PARP16: variants seen among roughly 807,000 people sequenced by gnomAD.
The protein encoded by PARP16 is protein mono-ADP-ribosyltransferase PARP16.
In PARP16, 31 loss-of-function variants were observed where a neutral mutation model predicts 35.0. That is an observed-to-expected ratio of 0.88 (90% CI 0.66 to 1.19). PARP16 has a LOEUF of 1.19. Among genes scored for constraint, PARP16 ranks in the 50% most tolerant of loss-of-function variants. The pLI, the probability that PARP16 is intolerant of heterozygous loss-of-function variation, is 0.00. For synonymous variants in PARP16, 162 were observed against 169.5 expected, an observed-to-expected ratio of 0.96 and a Z score of 0.34; for missense variants, 424 against 411.2, an observed-to-expected ratio of 1.03 and a Z score of -0.27.
rs556715772 is a variant in PARP16, at chr15:65,286,533, G to C, written c.-107C>G. 483 of 857,094 alleles carry C rather than the reference G, an allele frequency of 5.6e-4. 5 individuals carry two copies. The South Asian group carries it at 9.0e-3, about 16-fold the overall frequency. The allele number at this position is 857,094 out of a possible 1,614,324, so 53.1% of individuals were successfully genotyped here. On this transcript the variant is annotated 5_prime_UTR_variant, in exon 1 of 6. Coordinates refer to ENST00000649807, the MANE Select transcript of PARP16 (RefSeq NM_001316943.2). ...GCGGACAATGGGCCGTCAGGGGCCG[G>C]GTTCCCAAGCCTGGGGTGGAGCTAG... is the stretch of plus-strand genomic sequence containing the variant.
At chr15:65,249,901 GT>G (rs1456071631) in intron 2 of PARP16, among the ~76,000 whole-genome samples, 1 of 152,214 alleles carries the variant, frequency 6.6e-6, no homozygotes, top group East Asian at 1.9e-4. Flanking sequence ...TTGAGTGGGT[GT>G]TGGGGGACTT....
intron 2 of PARP16, among the ~76,000 whole-genome samples, chr15:65,269,028 T>A (rs2089997716): frequency 6.6e-6 from 1 of 152,092 alleles, no homozygotes; most frequent in Admixed American, 6.5e-5. Context: ...GTGCTGGAAT[T>A]ACAGGCGTGA....
chr15:65,253,921 G>A (rs935621507), downstream of PARP16, among the ~76,000 whole-genome samples: 8 of 151,818 alleles, frequency 5.3e-5, no homozygotes, highest in South Asian at 2.1e-4. Context: ...AGGTTCAACC[G>A]ATTCTCCTGC....
downstream of PARP16, among the ~76,000 whole-genome samples, chr15:65,257,616 C>G (rs1183134892): frequency 1.9e-5 from 2 of 108,034 alleles, no homozygotes; most frequent in Non-Finnish European, 3.5e-5. Context: ...AGTGACAGAG[C>G]AAGACTCTGT....
chr15:65,260,795 C>T (rs931826869), intron 5 of PARP16, 90 bp downstream of exon 5: 42 of 1,206,586 alleles, frequency 3.5e-5, no homozygotes, highest in Non-Finnish European at 4.4e-5. Context: ...TAGCGGAGGT[C>T]TAAGGCTGGG....
intron 3 of PARP16, among the ~76,000 whole-genome samples, chr15:65,265,517 G>A (rs917178868): frequency 6.6e-6 from 1 of 152,152 alleles, no homozygotes; most frequent in African/African-American, 2.4e-5. Context: ...GTGGATAGAT[G>A]ACTGTTTTGA....
At chr15:65,240,968 G>T (rs1227170495) in intron 3 of PARP16, among the ~76,000 whole-genome samples, 3 of 151,894 alleles carry the variant, frequency 2.0e-5, no homozygotes, top group African/African-American at 7.3e-5. Flanking sequence ...AAGTAGCTGG[G>T]ACTGCAGGTG....
At position 65,283,353 on chromosome 15, in the gene PARP16, C is replaced by T. The variant is rs1334985225; in HGVS notation, c.174+2900G>A. Among the ~76,000 whole-genome samples the T allele has an allele frequency of 2.6e-5, 4 of 152,112 alleles. No individual in the cohort carries two copies. In the East Asian group the frequency reaches 7.7e-4, roughly 29 times the overall value. Reference sequence around the variant, plus strand: ...TCCTCCCAAACAGGTCCCTCTCTCACCCTGCCACCACAGGTGTCTTTCTGG... The same window carrying T: ...TCCTCCCAAACAGGTCCCTCTCTCATCCTGCCACCACAGGTGTCTTTCTGG... On this transcript the variant is annotated intron_variant, in intron 1 of 5. Transcript: ENST00000649807.
At chr15:65,272,509 C>A (rs1006992031) in intron 1 of PARP16, among the ~76,000 whole-genome samples, 1 of 152,126 alleles carries the variant, frequency 6.6e-6, no homozygotes, top group African/African-American at 2.4e-5. Flanking sequence ...CCTTACCATC[C>A]CCTCCCCATC....
chr15:65,242,296 G>A (rs2089101141), intron 3 of PARP16, among the ~76,000 whole-genome samples: 1 of 152,020 alleles, frequency 6.6e-6, no homozygotes, highest in South Asian at 2.1e-4. Flanking sequence ...TTGAAATCAG[G>A]TAGGGCCAGT....
chr15:65,236,055 C>T (rs2088871819), intron 3 of PARP16, among the ~76,000 whole-genome samples: 1 of 151,868 alleles, frequency 6.6e-6, no homozygotes, highest in African/African-American at 2.4e-5. Flanking sequence ...GACAGGGTTT[C>T]ATCATGTTGG....
chr15:65,250,948 C>T (rs1269443730), intron 2 of PARP16, among the ~76,000 whole-genome samples: 1 of 152,098 alleles, frequency 6.6e-6, no homozygotes, highest in East Asian at 1.9e-4. Flanking sequence ...GCTCACTCAA[C>T]CTCCGCCTCG....
At chr15:65,274,882 G>A (rs989740752) in intron 1 of PARP16, among the ~76,000 whole-genome samples, 10 of 152,214 alleles carry the variant, frequency 6.6e-5, no homozygotes, top group African/African-American at 1.2e-4. Flanking sequence ...TTGGGAGGCC[G>A]AGGCAGGCGG....
intron 3 of PARP16, among the ~76,000 whole-genome samples, chr15:65,240,414 G>A (rs984429679): frequency 6.6e-6 from 1 of 151,018 alleles, no homozygotes; most frequent in Non-Finnish European, 1.5e-5. Context: ...TTGTAGAATG[G>A]GGTTTCACCA....
chr15:65,237,518 A>C (rs953765320), intron 3 of PARP16, among the ~76,000 whole-genome samples: 1 of 152,156 alleles, frequency 6.6e-6, no homozygotes, highest in Non-Finnish European at 1.5e-5. Context: ...TTAGGGTCTT[A>C]TAAGGAGTGA....
At chr15:65,254,533 A>T (rs2089448150), downstream of PARP16, among the ~76,000 whole-genome samples, 1 of 150,606 alleles carries the variant, frequency 6.6e-6, no homozygotes, top group Non-Finnish European at 1.5e-5. Flanking sequence ...AAAACTCATG[A>T]GGTGGGGCAC....
In PARP16 at chr15:65,286,245, A is replaced by G; in HGVS notation, c.174+8T>C. On this transcript the variant is annotated splice_region_variant and intron_variant, in intron 1 of 5. Transcript: ENST00000649807. ...GCAGTGGGCAGCGCCAGGACAAAGC[A>G]CACTCACCAGGGCTTCAAAGTCCTT... The G allele has an allele frequency of 1.3e-6, 2 of 1,559,752 alleles. No homozygotes were observed. The highest frequency in any genetic ancestry group is 1.2e-5 in the South Asian group (1 of 84,148).
At chr15:65,246,313 G>C (rs545815671) in intron 3 of PARP16, among the ~76,000 whole-genome samples, 1 of 152,132 alleles carries the variant, frequency 6.6e-6, no homozygotes, top group Admixed American at 6.6e-5. Flanking sequence ...CACTATCTCC[G>C]GACCGCCCCC....
At chr15:65,247,296 A>G (rs1414666279) in intron 3 of PARP16, among the ~76,000 whole-genome samples, 1 of 152,178 alleles carries the variant, frequency 6.6e-6, no homozygotes, top group African/African-American at 2.4e-5. Flanking sequence ...CACCTGGCCC[A>G]TGCTCAACAC....
Sources: gnomAD v4.1 joint callset for allele counts (sites outside exome capture counted in the v4.1 genomes callset) on GRCh38, gnomAD v4.1.1 for gene constraint, MANE v1.5 for transcripts, NCBI Gene and HGNC (gene_info 2026-07-23, HGNC 2026-07-21) for gene names.